Variants in KCNN3 observed in about 807,000 individuals in gnomAD.
The protein encoded by KCNN3 is potassium calcium-activated channel subfamily N member 3, also known as small conductance calcium-activated potassium channel protein 3.
Under a neutral mutation model 62.9 loss-of-function variants are expected in KCNN3, and 16 were observed. The observed-to-expected ratio is 0.25, with a 90% confidence interval of 0.17 to 0.39. The LOEUF (loss-of-function observed/expected upper bound fraction) is 0.39. KCNN3 is among the 10% of genes least tolerant of loss of function. The pLI is 1.00. For synonymous variants in KCNN3, 370 were observed against 389.2 expected, an observed-to-expected ratio of 0.95 and a Z score of 0.58; for missense variants, 599 against 949.4, an observed-to-expected ratio of 0.63 and a Z score of 4.85.
At chr1:154,781,039 A>G (rs959714574) in intron 2 of KCNN3, among the ~76,000 whole-genome samples, 1 of 152,178 alleles carries the variant, frequency 6.6e-6, no homozygotes, top group Middle Eastern at 3.2e-3. Flanking sequence ...GATGTCCCAC[A>G]GTGGCTCTTT....
rs552259090 is a variant in KCNN3, at chr1:154,715,350, C to T, written c.1702-347G>A. ...ACTTTGGAGACTGAGGCAAGAGAAT[C>T]GCTTGAACCTGGGAGGCAGAGGTTG... is the stretch of plus-strand genomic sequence containing the variant. On this transcript the variant is annotated intron_variant, in intron 5 of 7. Coordinates refer to ENST00000271915, the MANE Select transcript of KCNN3 (RefSeq NM_002249.6). Among the ~76,000 whole-genome samples the T allele has an allele frequency of 4.7e-5, 7 of 148,958 alleles. 1 individual carries two copies. In the South Asian group the frequency reaches 1.5e-3, roughly 32 times the overall value.
rs1005929642 is a variant in KCNN3 at position 154,869,931 on chromosome 1, C to T, written c.34G>A (p.Val12Met). 3 of 1,611,116 alleles carry T rather than the reference C, an allele frequency of 1.9e-6. No homozygotes were observed. The highest frequency in any genetic ancestry group is 1.7e-6 in the Non-Finnish European group (2 of 1,178,740). Residue 12 changes from valine to methionine, a missense_variant, in exon 1 of 8, where the codon GTG becomes ATG. Val to Met is a conservative substitution (Grantham distance 21, BLOSUM62 1). Around this residue, in one of 7 missense-constraint regions of KCNN3, gnomAD observed 59 missense variants for 62.4 expected, o/e 0.95. Coordinates refer to ENST00000271915, the MANE Select transcript of KCNN3 (RefSeq NM_002249.6). The surrounding 1 kb of genome is among the most constrained non-coding windows in gnomAD (Gnocchi z 6.1). ...DTSGHFHDSG[V>M]GDLDEDPKCP... ...TTGGGGTCTTCATCCAAGTCCCCCA[C>T]CCCCGAGTCATGGAAGTGCCCAGAA...
At chr1:154,864,016 G>A (rs1164893091) in intron 1 of KCNN3, among the ~76,000 whole-genome samples, 2 of 152,232 alleles carry the variant, frequency 1.3e-5, no homozygotes, top group Non-Finnish European at 2.9e-5. Flanking sequence ...GGGTGGCGGA[G>A]AAGGCCATTT....
At chr1:154,795,309 C>T (rs1571283596) in intron 2 of KCNN3, among the ~76,000 whole-genome samples, 2 of 152,178 alleles carry the variant, frequency 1.3e-5, no homozygotes, top group African/African-American at 4.8e-5. Context: ...TCTGGTCACC[C>T]ATTGGTAGGC....
intron 3 of KCNN3, among the ~76,000 whole-genome samples, chr1:154,764,615 T>C (rs1648175890): frequency 6.6e-6 from 1 of 152,222 alleles, no homozygotes; most frequent in Non-Finnish European, 1.5e-5. Flanking sequence ...CTCCTCTACA[T>C]AGGACAACGC....
At chr1:154,780,683 A>G (rs1351740657) in intron 2 of KCNN3, among the ~76,000 whole-genome samples, 4 of 151,772 alleles carry the variant, frequency 2.6e-5, no homozygotes, top group Non-Finnish European at 5.9e-5. Flanking sequence ...TTACCATGGA[A>G]GCAACATCAA....
chr1:154,802,403 C>G (rs1649994491), intron 2 of KCNN3, among the ~76,000 whole-genome samples: 1 of 152,150 alleles, frequency 6.6e-6, no homozygotes, highest in South Asian at 2.1e-4. Flanking sequence ...TGAAAAAACA[C>G]AGGGAGCAGG....
At chr1:154,756,311 GGAA>G (rs921271563) in intron 3 of KCNN3, among the ~76,000 whole-genome samples, 19 of 151,198 alleles carry the variant, frequency 1.3e-4, no homozygotes, top group African/African-American at 4.1e-4. Context: ...AAGAGGAAGA[GGAA>G]GAAGAAGAAA....
rs1699884154 is a variant in KCNN3, at chr1:154,702,772, A to C, written c.*5204T>G. 2 of 140,094 alleles carry C rather than the reference A, an allele frequency of 1.4e-5. No homozygotes were observed. Among genetic ancestry groups the C allele is most frequent in the African/African-American group, 2.6e-5 (1 of 38,304 alleles). 8.7% of individuals were successfully genotyped at this position (140,094 alleles called of 1,614,324 possible). ...ATGTACTTTTTCTTTTTGGCTATAA[A>C]TGTCAACATCTCTTTGGGATCCTAA... On this transcript the variant is annotated 3_prime_UTR_variant, in exon 8 of 8. Coordinates refer to ENST00000271915, the MANE Select transcript of KCNN3 (RefSeq NM_002249.6).
intron 1 of KCNN3, among the ~76,000 whole-genome samples, chr1:154,835,349 CCCTATATATG>C (rs1395679929): frequency 3.3e-4 from 51 of 152,240 alleles, no homozygotes; most frequent in African/African-American, 1.1e-3. Context: ...CATATGATCA[CCCTATATATG>C]TAGTATTTGC....
At chr1:154,747,498 T>C (rs1251911793) in intron 3 of KCNN3, among the ~76,000 whole-genome samples, 3 of 152,132 alleles carry the variant, frequency 2.0e-5, no homozygotes, top group Non-Finnish European at 4.4e-5. Context: ...TTGTGAACGA[T>C]TTATTTTTTT....
chr1:154,838,286 G>A lies in KCNN3; in HGVS notation c.934-16102C>T, dbSNP rs542159265. On this transcript the variant is annotated intron_variant, in intron 1 of 7. Coordinates refer to ENST00000271915, the MANE Select transcript of KCNN3 (RefSeq NM_002249.6). ...GCTAGATCCAGATCTAGAATTTAGA[G>A]CTAGAGCCTAGCTCCTTCCCCTACT... 1.3e-3 allele frequency among the ~76,000 whole-genome samples: 203 copies of A among 152,230 alleles called. 1 individual carries two copies. Among genetic ancestry groups the A allele is most frequent in the African/African-American group, 4.6e-3 (190 of 41,532 alleles).
chr1:154,800,055 G>A (rs1348532419), intron 2 of KCNN3, among the ~76,000 whole-genome samples: 3 of 152,216 alleles, frequency 2.0e-5, no homozygotes, highest in African/African-American at 4.8e-5. Context: ...AAACAGCCTC[G>A]TTGAACTGTA....
intron 1 of KCNN3, among the ~76,000 whole-genome samples, chr1:154,852,437 C>A (rs1652343176): frequency 6.6e-6 from 1 of 151,036 alleles, no homozygotes; most frequent in African/African-American, 2.4e-5. Flanking sequence ...TGGACTCGAA[C>A]TCCTGGCCTT....
At chr1:154,839,330 G>A (rs1373192800) in intron 1 of KCNN3, among the ~76,000 whole-genome samples, 1 of 152,180 alleles carries the variant, frequency 6.6e-6, no homozygotes, top group Non-Finnish European at 1.5e-5. Flanking sequence ...ATAGCCCAAA[G>A]GAGCACTGAG....
At chr1:154,823,611 G>A (rs1311990980) in intron 1 of KCNN3, among the ~76,000 whole-genome samples, 1 of 152,188 alleles carries the variant, frequency 6.6e-6, no homozygotes, top group African/African-American at 2.4e-5. Context: ...ACTCTCCAAT[G>A]GGAAACAACT....
At chr1:154,829,954 A>G (rs1339274386) in intron 1 of KCNN3, among the ~76,000 whole-genome samples, 1 of 151,992 alleles carries the variant, frequency 6.6e-6, no homozygotes. Flanking sequence ...TCACACCCCC[A>G]CCAGAGTGTC....
At chr1:154,748,834 T>A (rs917831836) in intron 3 of KCNN3, among the ~76,000 whole-genome samples, 1 of 152,178 alleles carries the variant, frequency 6.6e-6, no homozygotes, top group African/African-American at 2.4e-5. Flanking sequence ...TGGTGGTACG[T>A]GTCTATAGTC....
chr1:154,750,186 T>G (rs983004853), intron 3 of KCNN3, among the ~76,000 whole-genome samples: 2 of 152,188 alleles, frequency 1.3e-5, no homozygotes, highest in African/African-American at 4.8e-5. Context: ...GCACACACTT[T>G]TCCCTCAGAA....
Sources: allele counts gnomAD v4.1 joint callset (sites outside exome capture counted in the v4.1 genomes callset), GRCh38; gene constraint gnomAD v4.1.1; regional missense constraint gnomAD v4.1.1; non-coding constraint Gnocchi (gnomAD v3.1); transcripts MANE v1.5; gene names NCBI Gene and HGNC (gene_info 2026-07-23, HGNC 2026-07-21).